PPP2R2A: variants seen among roughly 807,000 people sequenced by gnomAD.
PPP2R2A encodes the protein protein phosphatase 2 regulatory subunit Balpha, also known as serine/threonine-protein phosphatase 2A 55 kDa regulatory subunit B alpha isoform.
In PPP2R2A, 9 loss-of-function variants were observed where a neutral mutation model predicts 53.2. The observed-to-expected ratio is 0.17, with a 90% CI of 0.10 to 0.30. PPP2R2A has a LOEUF of 0.30. Among genes scored for constraint, PPP2R2A ranks in the 10% least tolerant of loss-of-function variants. The pLI is 1.00. For synonymous variants in PPP2R2A, 169 were observed against 174.2 expected, an observed-to-expected ratio of 0.97 and a Z score of 0.23; for missense variants, 235 against 534.6, an observed-to-expected ratio of 0.44 and a Z score of 5.53.
intron 2 of PPP2R2A, among the ~76,000 whole-genome samples, chr8:26,316,600 CAG>C (rs957103967): frequency 2.0e-5 from 3 of 152,160 alleles, no homozygotes; most frequent in African/African-American, 7.2e-5. Context: ...CTGCTGTTAA[CAG>C]AATAGTACAG....
intron 3 of PPP2R2A, among the ~76,000 whole-genome samples, chr8:26,353,950 C>T (rs1804645180): frequency 6.6e-6 from 1 of 152,024 alleles, no homozygotes; most frequent in African/African-American, 2.4e-5. Flanking sequence ...TTTATAAGAG[C>T]TCTTTTTTTA....
intron 2 of PPP2R2A, among the ~76,000 whole-genome samples, chr8:26,337,378 G>A (rs1325620646): frequency 6.6e-6 from 1 of 152,156 alleles, no homozygotes; most frequent in African/African-American, 2.4e-5. Context: ...GACTCTGTAT[G>A]TTTGTATTAT....
At chr8:26,303,533 A>G (rs1801881977) in intron 2 of PPP2R2A, among the ~76,000 whole-genome samples, 1 of 152,188 alleles carries the variant, frequency 6.6e-6, no homozygotes, top group South Asian at 2.1e-4. Flanking sequence ...TCCCAACTTA[A>G]CTACTGAAGG....
chr8:26,334,186 A>T (rs1376005077), intron 2 of PPP2R2A, among the ~76,000 whole-genome samples: 1 of 152,200 alleles, frequency 6.6e-6, no homozygotes, highest in East Asian at 1.9e-4. Context: ...TGTAAGATTA[A>T]TACAGGCATT....
chr8:26,291,543 T>C lies in PPP2R2A; in HGVS notation c.-277T>C. On this transcript the variant is annotated 5_prime_UTR_variant, in exon 1 of 10. Transcript: ENST00000380737. ...GCGCCATTTTGAAAGTGGAGTCGCC[T>C]GCCCCTGCCGCTGCCGCCGCCGCCG... The C allele has an allele frequency of 2.3e-6, 1 of 441,422 alleles. No homozygotes were observed. The highest frequency in any genetic ancestry group is 4.1e-6 in the Non-Finnish European group (1 of 243,462). 27.3% of individuals were successfully genotyped at this position (441,422 alleles called of 1,614,324 possible).
At chr8:26,361,241 CT>C in intron 6 of PPP2R2A, 90 bp downstream of exon 6, 1 of 1,327,112 alleles carries the variant, frequency 7.5e-7, no homozygotes, top group Non-Finnish European at 1.0e-6. Context: ...AATTTGGTTG[CT>C]TTTTATAGTC....
chr8:26,298,378 A>C (rs1801636051), intron 2 of PPP2R2A, among the ~76,000 whole-genome samples: 1 of 152,184 alleles, frequency 6.6e-6, no homozygotes, highest in African/African-American at 2.4e-5. Context: ...CTTTTTGGGA[A>C]TAAAATGGTA....
intron 2 of PPP2R2A, among the ~76,000 whole-genome samples, chr8:26,320,009 C>T (rs2117263131): frequency 6.6e-6 from 1 of 152,072 alleles, no homozygotes; most frequent in South Asian, 2.1e-4. Flanking sequence ...ATTTTGTGTC[C>T]TGTATCTTTG....
intron 3 of PPP2R2A, among the ~76,000 whole-genome samples, chr8:26,353,193 T>G (rs558341585): frequency 2.4e-4 from 37 of 152,316 alleles, no homozygotes; most frequent in African/African-American, 8.7e-4. Context: ...ATGGGTATGG[T>G]GATGAGACCA....
chr8:26,330,636 T>C (rs555275920), intron 2 of PPP2R2A, among the ~76,000 whole-genome samples: 50 of 152,272 alleles, frequency 3.3e-4, no homozygotes, highest in Non-Finnish European at 6.2e-4. Context: ...TTATTCTTGA[T>C]CATATGGAGC....
intron 9 of PPP2R2A, among the ~76,000 whole-genome samples, chr8:26,367,146 C>T (rs1398797628): frequency 1.3e-5 from 2 of 152,110 alleles, no homozygotes; most frequent in Non-Finnish European, 2.9e-5. Context: ...TTGTGTGTTA[C>T]AGAGGATAAT....
chr8:26,334,984 C>T (rs1165634896), intron 2 of PPP2R2A, among the ~76,000 whole-genome samples: 1 of 152,102 alleles, frequency 6.6e-6, no homozygotes, highest in African/African-American at 2.4e-5. Flanking sequence ...TTTTGCATGT[C>T]ATGGCATTCC....
chr8:26,351,815 C>T (rs2117371893), intron 3 of PPP2R2A, among the ~76,000 whole-genome samples: 1 of 152,256 alleles, frequency 6.6e-6, no homozygotes, highest in South Asian at 2.1e-4. Context: ...TATGACTTTG[C>T]TTTAAAACTT....
At chr8:26,351,212 T>C (rs1200675245) in intron 3 of PPP2R2A, among the ~76,000 whole-genome samples, 1 of 152,044 alleles carries the variant, frequency 6.6e-6, no homozygotes, top group Non-Finnish European at 1.5e-5. Flanking sequence ...CCGTTATCTT[T>C]TAGAACTGTA....
chr8:26,302,757 T>C (rs1228109053), intron 2 of PPP2R2A, among the ~76,000 whole-genome samples: 1 of 152,240 alleles, frequency 6.6e-6, no homozygotes, highest in East Asian at 1.9e-4. Context: ...ATCTTCATTC[T>C]GTTAGGCCAG....
Position 26,354,207 on chromosome 8 carries a change from A to G in PPP2R2A, c.181-261A>G, listed in dbSNP as rs917638143. ...TCAAATACATAAGAGTAAATTAGCAATCAAATTGATCCATATTTAACGTCA... is the reference window on the plus strand; with the variant it reads ...TCAAATACATAAGAGTAAATTAGCAGTCAAATTGATCCATATTTAACGTCA... On this transcript the variant is annotated intron_variant, in intron 3 of 9. Coordinates refer to ENST00000380737, the MANE Select transcript of PPP2R2A (RefSeq NM_002717.4). This position sits in a 1 kb window ranked among gnomAD's most constrained non-coding sequence, Gnocchi z 4.6. Among the ~76,000 whole-genome samples, 1 of 152,102 alleles carries G rather than the reference A, an allele frequency of 6.6e-6. No individual in the cohort carries two copies. Among genetic ancestry groups the G allele is most frequent in the Non-Finnish European group, 1.5e-5 (1 of 68,024 alleles).
At position 26,354,303 on chromosome 8, in the gene PPP2R2A, T is replaced by G. The variant is rs770185975; in HGVS notation, c.181-165T>G. ...CTTTTCCCCCGTTAAGTTTTCTCATTTAATCCTTGAAGGCCTTTAGAAATA... is the reference window on the plus strand; with the variant it reads ...CTTTTCCCCCGTTAAGTTTTCTCATGTAATCCTTGAAGGCCTTTAGAAATA... On this transcript the variant is annotated intron_variant, in intron 3 of 9. Coordinates refer to ENST00000380737, the MANE Select transcript of PPP2R2A (RefSeq NM_002717.4). This position sits in a 1 kb window ranked among gnomAD's most constrained non-coding sequence, Gnocchi z 4.6. 3 of 447,566 alleles carry G rather than the reference T, an allele frequency of 6.7e-6. No homozygotes were observed. Among genetic ancestry groups the G allele is most frequent in the African/African-American group, 6.1e-5 (3 of 49,336 alleles). The allele number at this position is 447,566 out of a possible 1,614,324, so 27.7% of individuals were successfully genotyped here.
chr8:26,313,141 C>G (rs1460001069), intron 2 of PPP2R2A, among the ~76,000 whole-genome samples: 13 of 150,914 alleles, frequency 8.6e-5, no homozygotes, highest in Admixed American at 7.9e-4. Context: ...TCAAGTGATT[C>G]TCCTGCCTCA....
intron 7 of PPP2R2A, chr8:26,363,352 T>G (rs1453342006): frequency 5.7e-6 from 1 of 175,936 alleles, no homozygotes; most frequent in Non-Finnish European, 1.2e-5. Flanking sequence ...AAGATCCTGG[T>G]ATGAATTTGG....
Sources: allele counts gnomAD v4.1 joint callset (sites outside exome capture counted in the v4.1 genomes callset), GRCh38; gene constraint gnomAD v4.1.1; non-coding constraint Gnocchi (gnomAD v3.1); transcripts MANE v1.5; gene names NCBI Gene and HGNC (gene_info 2026-07-23, HGNC 2026-07-21).